BPHL: variants seen among roughly 807,000 people sequenced by gnomAD.
The protein encoded by BPHL is serine hydrolase BPHL.
BPHL carries 27 observed loss-of-function variants against 31.2 expected under a neutral mutation model. That is an observed-to-expected ratio of 0.87 (90% confidence interval 0.64 to 1.19). The LOEUF is 1.19. BPHL is among the 50% of genes most tolerant of loss of function. The pLI is 0.00. For missense variants in BPHL, 356 were observed against 375.7 expected (o/e 0.95, Z 0.43); for synonymous variants, 150 against 146.8 (o/e 1.02, Z -0.16).
At position 3,149,851 on chromosome 6, in the gene BPHL, A is replaced by G. The variant is rs950147708; in HGVS notation, c.789-2637A>G. ...ACCACATTGACCAGGCTGGTCTCGAACTCCTGACCTCAAGTGATCCACCTG... is the reference window on the plus strand; with the variant it reads ...ACCACATTGACCAGGCTGGTCTCGAGCTCCTGACCTCAAGTGATCCACCTG... On this transcript the variant is annotated intron_variant, in intron 6 of 6. Transcript: ENST00000380379. The surrounding 1 kb of genome is among the most constrained non-coding windows in gnomAD (Gnocchi z 4.6). Among the ~76,000 whole-genome samples the G allele has an allele frequency of 6.6e-6, 1 of 151,878 alleles. No homozygotes were observed. The highest frequency in any genetic ancestry group is 1.5e-5 in the Non-Finnish European group (1 of 67,974).
At position 3,132,252 on chromosome 6, in the gene BPHL, A is replaced by G. The variant is rs1234778640; in HGVS notation, c.532+3054A>G. Among the ~76,000 whole-genome samples, 5 of 152,178 alleles carry G rather than the reference A, an allele frequency of 3.3e-5. No homozygotes were observed. The East Asian group carries it at 9.6e-4, about 29-fold the overall frequency. ...TGGTCATTCTGCAGCGTTTGAGAAC[A>G]TGCTCATGATGTGTGCGCCATTGGT... is the stretch of plus-strand genomic sequence containing the variant. On this transcript the variant is annotated intron_variant, in intron 4 of 6. Transcript: ENST00000380379.
intron 4 of BPHL, among the ~76,000 whole-genome samples, chr6:3,134,226 G>T (rs545141029): frequency 5.9e-5 from 9 of 152,054 alleles, no homozygotes; most frequent in African/African-American, 1.7e-4. Context: ...AAACGACCCC[G>T]CCGCTGTCCA....
chr6:3,144,834 G>A (rs567881705), intron 6 of BPHL, among the ~76,000 whole-genome samples: 3 of 152,350 alleles, frequency 2.0e-5, no homozygotes, highest in South Asian at 4.1e-4. Flanking sequence ...AGCAAGAGGT[G>A]CACAGAGGGC....
intron 1 of BPHL, among the ~76,000 whole-genome samples, chr6:3,122,963 G>A (rs1407134168): frequency 1.3e-5 from 2 of 152,222 alleles, no homozygotes; most frequent in African/African-American, 4.8e-5. Flanking sequence ...GCAGACGAGT[G>A]ACTCCAGGGT....
At chr6:3,133,211 C>T (rs1397458427) in intron 4 of BPHL, among the ~76,000 whole-genome samples, 1 of 150,934 alleles carries the variant, frequency 6.6e-6, no homozygotes, top group Non-Finnish European at 1.5e-5. Flanking sequence ...ATCCCCCACA[C>T]TGCGGCCTGC....
Position 3,134,207 on chromosome 6 carries a change from G to A in BPHL, c.533-3155G>A, listed in dbSNP as rs572855589. On this transcript the variant is annotated intron_variant, in intron 4 of 6. Coordinates refer to ENST00000380379, the MANE Select transcript of BPHL (RefSeq NM_004332.4). ...TATGTTTGGGTATACAGTATGAAAT[G>A]TAACAACAAAACGACCCCGCCGCTG... Among the ~76,000 whole-genome samples, 157 of 152,112 alleles carry A rather than the reference G, an allele frequency of 1.0e-3. 1 individual carries two copies. Among genetic ancestry groups the A allele is most frequent in the African/African-American group, 3.6e-3 (151 of 41,500 alleles).
At chr6:3,129,478 G>A (rs1261647022) in intron 4 of BPHL, among the ~76,000 whole-genome samples, 2 of 152,320 alleles carry the variant, frequency 1.3e-5, no homozygotes, top group Middle Eastern at 3.4e-3. Flanking sequence ...TTCAGGGAAG[G>A]AGGGGGTGGT....
At chr6:3,128,111 A>G (rs1761769301) in intron 3 of BPHL, among the ~76,000 whole-genome samples, 1 of 152,000 alleles carries the variant, frequency 6.6e-6, no homozygotes, top group Admixed American at 6.5e-5. Context: ...GAGCCACCAC[A>G]CCTGGCCTAT....
chr6:3,148,170 A>G (rs1003937912), intron 6 of BPHL, among the ~76,000 whole-genome samples: 19 of 152,226 alleles, frequency 1.2e-4, no homozygotes, highest in Non-Finnish European at 2.2e-4. Flanking sequence ...TGCCATCTCT[A>G]CAGAGGTCTG....
chr6:3,151,472 G>C (rs1762522389), intron 6 of BPHL, among the ~76,000 whole-genome samples: 1 of 152,006 alleles, frequency 6.6e-6, no homozygotes, highest in Non-Finnish European at 1.5e-5. Flanking sequence ...CCCCAATGTG[G>C]TGGCTGAGTT....
chr6:3,129,969 G>A (rs1232251786), intron 4 of BPHL, among the ~76,000 whole-genome samples: 1 of 151,970 alleles, frequency 6.6e-6, no homozygotes, highest in Non-Finnish European at 1.5e-5. Context: ...ACCATGCCTG[G>A]CTAATTTTGT....
chr6:3,118,433 G>A (rs1761447468), upstream of BPHL: 1 of 270,516 alleles, frequency 3.7e-6, no homozygotes, highest in Admixed American at 5.4e-5. Flanking sequence ...CATGGTCGCT[G>A]AGGCGACGAG....
rs140763417 is a variant in BPHL, at chr6:3,122,671, C to T, written c.108-986C>T. Among the ~76,000 whole-genome samples the T allele has an allele frequency of 6.0e-3, 909 of 152,234 alleles. 19 individuals carry two copies. Among genetic ancestry groups the T allele is most frequent in the African/African-American group, 0.021 (880 of 41,556 alleles). On this transcript the variant is annotated intron_variant, in intron 1 of 6. Coordinates refer to ENST00000380379, the MANE Select transcript of BPHL (RefSeq NM_004332.4). Reference sequence around the variant, plus strand: ...TGCTGGATCCTAGGAGGTCTTAGGCCAAGGCGGGTGAGTGGCAGGAAGGAG... The same window carrying T: ...TGCTGGATCCTAGGAGGTCTTAGGCTAAGGCGGGTGAGTGGCAGGAAGGAG...
At chr6:3,147,020 G>A (rs941640620) in intron 6 of BPHL, among the ~76,000 whole-genome samples, 2 of 152,170 alleles carry the variant, frequency 1.3e-5, no homozygotes, top group African/African-American at 4.8e-5. Context: ...GAATGAATGA[G>A]GAGGTATTTG....
rs184029703 is a variant in BPHL, at chr6:3,147,683, T to A, written c.789-4805T>A. Among the ~76,000 whole-genome samples the A allele has an allele frequency of 3.2e-3, 490 of 152,336 alleles. 4 individuals carry two copies. The highest frequency in any genetic ancestry group is 4.2e-3 in the Non-Finnish European group (283 of 68,020). On this transcript the variant is annotated intron_variant, in intron 6 of 6. Coordinates refer to ENST00000380379, the MANE Select transcript of BPHL (RefSeq NM_004332.4). ...ATAGGTAGAAAAAAGAGATTCATTTTAGGGAATTGGTTCATGGAGTATGGA... is the reference window on the plus strand; with the variant it reads ...ATAGGTAGAAAAAAGAGATTCATTTAAGGGAATTGGTTCATGGAGTATGGA...
Position 3,140,614 on chromosome 6 carries a change from C to T in BPHL, c.788+105C>T. 1.3e-6 allele frequency: 2 copies of T among 1,520,708 alleles called. No homozygotes were observed. Among genetic ancestry groups the T allele is most frequent in the South Asian group, 1.2e-5 (1 of 82,426 alleles). 94.2% of individuals were successfully genotyped at this position (1,520,708 alleles called of 1,614,324 possible). On this transcript the variant is annotated intron_variant, in intron 6 of 6. Transcript: ENST00000380379. The surrounding 1 kb of genome is among the most constrained non-coding windows in gnomAD (Gnocchi z 5.2). ...AGAGGAGTTGGAGTTTTAGAGTGCA[C>T]AGCCCCCCTTTTGCCAATGCCAGTC...
intron 4 of BPHL, among the ~76,000 whole-genome samples, chr6:3,130,594 G>T (rs1442147704): frequency 2.0e-5 from 3 of 152,208 alleles, no homozygotes; most frequent in Admixed American, 2.0e-4. Context: ...TTAGGACTAG[G>T]TGGGTCAGGT....
At position 3,118,780 on chromosome 6, in the gene BPHL, C is replaced by T; in HGVS notation, c.40C>T (p.Arg14Trp). The T allele has an allele frequency of 8.0e-7, 1 of 1,252,154 alleles. No individual in the cohort carries two copies. The highest frequency in any genetic ancestry group is 3.7e-5 in the South Asian group (1 of 26,992). 77.6% of individuals were successfully genotyped at this position (1,252,154 alleles called of 1,614,324 possible). Residue 14 changes from arginine to tryptophan, a missense_variant, in exon 1 of 7, where the codon CGG (arginine) becomes TGG (tryptophan). By Grantham distance (101) the Arg-to-Trp change is moderately radical. Coordinates refer to ENST00000380379, the MANE Select transcript of BPHL (RefSeq NM_004332.4). ...VLGGRGVLRL[R>W]LLLSALKPGI... is the part of the protein sequence containing the mutation. ...GGGCGGCCGGGGCGTGTTGCGCCTGCGGCTGCTTCTCTCAGCGCTGAAGCC... is the reference window on the plus strand; with the variant it reads ...GGGCGGCCGGGGCGTGTTGCGCCTGTGGCTGCTTCTCTCAGCGCTGAAGCC...
chr6:3,150,591 A>G (rs1241408755), intron 6 of BPHL, among the ~76,000 whole-genome samples: 2 of 152,130 alleles, frequency 1.3e-5, no homozygotes, highest in East Asian at 3.9e-4. Flanking sequence ...GGGGTTTCCT[A>G]CTAATTTTTC....
Sources: gnomAD v4.1 joint callset for allele counts (sites outside exome capture counted in the v4.1 genomes callset) on GRCh38, gnomAD v4.1.1 for gene constraint, Gnocchi (gnomAD v3.1) non-coding constraint, MANE v1.5 for transcripts, NCBI Gene and HGNC (gene_info 2026-07-23, HGNC 2026-07-21) for gene names.